The following HADH variants were observed in gnomAD, a reference collection of about 807,000 sequenced individuals.
HADH encodes hydroxyacyl-CoA dehydrogenase, also known as hydroxyacyl-coenzyme A dehydrogenase, mitochondrial.
In HADH, 24 loss-of-function variants were observed where a neutral mutation model predicts 32.2. The observed-to-expected ratio is 0.75, with a 90% CI of 0.54 to 1.05. HADH has a LOEUF of 1.05. Ranked by LOEUF, HADH falls within the 50% of genes least tolerant of loss-of-function variation. The pLI is 0.00. For missense variants in HADH, 350 were observed against 397.1 expected (o/e 0.88, Z 1.01); for synonymous variants, 139 against 152.5 (o/e 0.91, Z 0.65).
At chr4:108,029,677 G>A (rs903038775) in intron 6 of HADH, 2 of 152,466 alleles carry the variant, frequency 1.3e-5, no homozygotes, top group Admixed American at 6.5e-5. Flanking sequence ...TGTGTGTGCT[G>A]TTGTAGGTCA....
At chr4:108,017,779 C>T (rs1349424877) in intron 3 of HADH, among the ~76,000 whole-genome samples, 1 of 152,142 alleles carries the variant, frequency 6.6e-6, no homozygotes, top group East Asian at 1.9e-4. Context: ...GAACTCCTGA[C>T]TTCAAGTGAT....
At chr4:108,027,982 A>G in intron 6 of HADH, 1 of 603,292 alleles carries the variant, frequency 1.7e-6, no homozygotes, top group Non-Finnish European at 3.0e-6. Flanking sequence ...GGTTTCTGGA[A>G]CTCCCACCAC....
rs1278458365 is a variant in HADH at position 108,020,567 on chromosome 4, G to A, written c.546+901G>A. Among the ~76,000 whole-genome samples the A allele has an allele frequency of 2.0e-5, 3 of 152,180 alleles. No individual in the cohort carries two copies. In the South Asian group the frequency reaches 6.2e-4, roughly 32 times the overall value. ...GGAAGGTGGAGCGGGGAGGCAGGGAGGGCTTCCCCAGCATCCTGTTTGGAA... is the reference window on the plus strand; with the variant it reads ...GGAAGGTGGAGCGGGGAGGCAGGGAAGGCTTCCCCAGCATCCTGTTTGGAA... On this transcript the variant is annotated intron_variant, in intron 4 of 7. Transcript: ENST00000309522.
chr4:108,009,008 C>T (rs1194294785), intron 1 of HADH, among the ~76,000 whole-genome samples: 5 of 152,162 alleles, frequency 3.3e-5, no homozygotes, highest in Non-Finnish European at 5.9e-5. Flanking sequence ...ACTAAACATT[C>T]CCCTTACCCT....
At chr4:107,997,471 G>C (rs906125294) in intron 1 of HADH, among the ~76,000 whole-genome samples, 2 of 152,052 alleles carry the variant, frequency 1.3e-5, no homozygotes, top group Non-Finnish European at 1.5e-5. Context: ...AATCCAGTGT[G>C]CTTCTGCTTG....
At chr4:108,015,830 C>G (rs1020397124) in intron 3 of HADH, among the ~76,000 whole-genome samples, 2 of 152,130 alleles carry the variant, frequency 1.3e-5, no homozygotes, top group African/African-American at 4.8e-5. Flanking sequence ...CTAGAGGCTG[C>G]AGAGACATCT....
chr4:107,990,745 T>C (rs1035839945), intron 1 of HADH, among the ~76,000 whole-genome samples: 25 of 139,254 alleles, frequency 1.8e-4, no homozygotes, highest in Admixed American at 2.1e-4. Context: ...GTCTCTCTCT[T>C]TTTTTTTTTT....
At chr4:108,027,574 T>A in intron 5 of HADH, 114 bp from the exon 6 acceptor site, 1 of 771,932 alleles carries the variant, frequency 1.3e-6, no homozygotes, top group Non-Finnish European at 2.4e-6. Flanking sequence ...ATGTACAGCT[T>A]GATAAATGGG....
intron 1 of HADH, among the ~76,000 whole-genome samples, chr4:107,996,426 G>C (rs1734960013): frequency 6.6e-6 from 1 of 152,158 alleles, no homozygotes; most frequent in South Asian, 2.1e-4. Flanking sequence ...AAGTCTGGGA[G>C]AGGTTATCTG....
In HADH at chr4:108,010,432, G is replaced by A. The variant is rs376018362; in HGVS notation, c.261+545G>A. Among the ~76,000 whole-genome samples, 329 of 152,114 alleles carry A rather than the reference G, an allele frequency of 2.2e-3. 11 individuals carry two copies. The South Asian group carries it at 0.058, about 27-fold the overall frequency. ...ACTAAGGGCCATGCTGTTTTTCAGC[G>A]CACTTTCACTTAGGAGTTTGCATTT... On this transcript the variant is annotated intron_variant, in intron 2 of 7. Coordinates refer to ENST00000309522, the MANE Select transcript of HADH (RefSeq NM_005327.7).
intron 1 of HADH, among the ~76,000 whole-genome samples, chr4:107,995,903 A>G (rs971505707): frequency 3.9e-5 from 6 of 152,124 alleles, no homozygotes; most frequent in Admixed American, 2.0e-4. Flanking sequence ...AAGTTAGTCT[A>G]CCTGCTGGTC....
intron 3 of HADH, 39 bp downstream of exon 3, chr4:108,014,627 T>TA: frequency 6.7e-7 from 1 of 1,499,152 alleles, no homozygotes; most frequent in Non-Finnish European, 9.2e-7. Context: ...TTTTTTTTTT[T>TA]AACCTTATTT....
intron 1 of HADH, among the ~76,000 whole-genome samples, chr4:108,001,948 T>C (rs76648378): frequency 0.02 from 3,094 of 152,300 alleles, 104 homozygotes; most frequent in African/African-American, 0.069. Context: ...TGGAAGAAGC[T>C]ACTCTGATAG....
chr4:108,027,468 G>A (rs1354735019), intron 5 of HADH: 1 of 608,746 alleles, frequency 1.6e-6, no homozygotes, highest in East Asian at 2.9e-5. Flanking sequence ...GATCTGTGCA[G>A]TGGGGCATCT....
intron 4 of HADH, among the ~76,000 whole-genome samples, chr4:108,021,383 A>G (rs116472596): frequency 0.011 from 1,749 of 152,308 alleles, 39 homozygotes; most frequent in African/African-American, 0.038. Flanking sequence ...ATTTTTTAGA[A>G]AGTATTTTGT....
At chr4:108,005,116 T>A (rs1421722948) in intron 1 of HADH, 1 of 396,826 alleles carries the variant, frequency 2.5e-6, no homozygotes, top group East Asian at 4.2e-5. Context: ...TATTTGATCT[T>A]ATGGTTACCA....
Position 108,034,699 on chromosome 4 carries a change from T to C in HADH, c.*342T>C, listed in dbSNP as rs1736401682. 2.8e-6 allele frequency: 1 copy of C among 360,448 alleles called. No homozygotes were observed. Among genetic ancestry groups the C allele is most frequent in the South Asian group, 2.1e-5 (1 of 46,716 alleles). The allele number at this position is 360,448 out of a possible 1,614,324, so 22.3% of individuals were successfully genotyped here. A position where few individuals can be genotyped will look rare whatever the true frequency, so the allele number is the denominator to read the frequency against. On this transcript the variant is annotated 3_prime_UTR_variant, in exon 8 of 8. Coordinates refer to ENST00000309522, the MANE Select transcript of HADH (RefSeq NM_005327.7). The stretch of plus-strand genomic sequence containing the variant: ...CTCATCAACGGGAAAGTACTTCCTC[T>C]GAGAGTGCGAGTGCACCATGCTCAC...
intron 1 of HADH, among the ~76,000 whole-genome samples, chr4:108,008,297 A>T (rs1450363843): frequency 6.6e-6 from 1 of 151,962 alleles, no homozygotes; most frequent in Non-Finnish European, 1.5e-5. Context: ...TGGTTGTCAG[A>T]CTTTTTGGTC....
rs1736388826 is a variant in HADH, at chr4:108,034,415, C to T, written c.*58C>T. On this transcript the variant is annotated 3_prime_UTR_variant, in exon 8 of 8. Coordinates refer to ENST00000309522, the MANE Select transcript of HADH (RefSeq NM_005327.7). ...TGAGAGCGCTTTCCAGCCAGTGCCC[C>T]GAGTGCCTGTGGGAATGCTCTTTGG... 14 of 953,634 alleles carry T rather than the reference C, an allele frequency of 1.5e-5. No homozygotes were observed. Among genetic ancestry groups the T allele is most frequent in the South Asian group, 2.6e-5 (2 of 77,514 alleles). The allele number at this position is 953,634 out of a possible 1,614,324, so 59.1% of individuals were successfully genotyped here.
Sources: gnomAD v4.1 joint callset for allele counts (sites outside exome capture counted in the v4.1 genomes callset) on GRCh38, gnomAD v4.1.1 for gene constraint, MANE v1.5 for transcripts, NCBI Gene and HGNC (gene_info 2026-07-23, HGNC 2026-07-21) for gene names.